WDR11: variants seen among roughly 807,000 people sequenced by gnomAD.
WDR11 encodes the protein WD repeat domain 11.
Under a neutral mutation model 151.2 loss-of-function variants are expected in WDR11, and 83 were observed. The observed-to-expected ratio is 0.55, with a 90% CI of 0.46 to 0.66. The LOEUF (loss-of-function observed/expected upper bound fraction) is 0.66, where lower values mean the gene tolerates loss of function less well. Among genes scored for constraint, WDR11 ranks in the 30% least tolerant of loss-of-function variants. The pLI, the probability that WDR11 is intolerant of heterozygous loss-of-function variation, is 0.00. For synonymous variants in WDR11, 484 were observed against 533.1 expected, an observed-to-expected ratio of 0.91 and a Z score of 1.27; for missense variants, 1,301 against 1,480.9, an observed-to-expected ratio of 0.88 and a Z score of 1.99.
At chr10:120,871,732 A>C (rs2133757647) in intron 10 of WDR11, among the ~76,000 whole-genome samples, 1 of 152,330 alleles carries the variant, frequency 6.6e-6, no homozygotes, top group African/African-American at 2.4e-5. Flanking sequence ...AAATATAGTC[A>C]GGGTTAATAG....
chr10:120,885,775 A>T, intron 14 of WDR11, 39 bp from the exon 15 acceptor site: 1 of 1,612,062 alleles, frequency 6.2e-7, no homozygotes, highest in Non-Finnish European at 8.5e-7. Context: ...GACAGAAGGA[A>T]ACCTAGCACT....
At chr10:120,868,729 C>T (rs761206784) in intron 9 of WDR11, 6 of 152,176 alleles carry the variant, frequency 3.9e-5, no homozygotes, top group Non-Finnish European at 8.8e-5. Context: ...TTAGCAATGG[C>T]CTCCAGTCCT....
Position 120,909,129 on chromosome 10 carries a change from T to C in WDR11, c.*416T>C, listed in dbSNP as rs182717961. ...CAAATATATGCTGTGCCTGTACTTA[T>C]ATACAGTCTTTCAAGAGAGATACAA... On this transcript the variant is annotated 3_prime_UTR_variant, in exon 29 of 29. Coordinates refer to ENST00000263461, the MANE Select transcript of WDR11 (RefSeq NM_018117.12). 89 of 203,888 alleles carry C rather than the reference T, an allele frequency of 4.4e-4. 1 individual carries two copies. Among genetic ancestry groups the C allele is most frequent in the African/African-American group, 1.6e-3 (70 of 42,846 alleles). The allele number at this position is 203,888 out of a possible 1,614,324, so 12.6% of individuals were successfully genotyped here.
Position 120,903,124 on chromosome 10 carries a change from G to A in WDR11, c.2823G>A (p.Gln941=), listed in dbSNP as rs1051679083. ...VAAHYLHSLS[Q]EKSASTTAPK... ...CCCACTACCTGCACAGCTTATCCCAGGAAAAGTCAGCCAGCACAACAGCTC... is the reference window on the plus strand; with the variant it reads ...CCCACTACCTGCACAGCTTATCCCAAGAAAAGTCAGCCAGCACAACAGCTC... The change falls in exon 23 of 29, where the codon CAG becomes CAA. Residue 941 remains glutamine (Q), a synonymous_variant. Coordinates refer to ENST00000263461, the MANE Select transcript of WDR11 (RefSeq NM_018117.12). 18 of 1,614,028 alleles carry A rather than the reference G, an allele frequency of 1.1e-5. No individual in the cohort carries two copies. The highest frequency in any genetic ancestry group is 1.4e-5 in the Non-Finnish European group (17 of 1,180,036).
At chr10:120,906,219 A>G (rs2133818853) in intron 27 of WDR11, 198 bp downstream of exon 27, 1 of 1,458,322 alleles carries the variant, frequency 6.9e-7, no homozygotes, top group Non-Finnish European at 9.0e-7. Context: ...GAGCTATGCT[A>G]GTTTCCTACT....
At chr10:120,902,937 A>T (rs1847883471) in intron 22 of WDR11, 118 bp from the exon 23 acceptor site, 1 of 1,077,726 alleles carries the variant, frequency 9.3e-7, no homozygotes, top group African/African-American at 1.6e-5. Flanking sequence ...GTCAGGCCCC[A>T]TGCCAGTATC....
intron 11 of WDR11, 119 bp from the exon 12 acceptor site, chr10:120,878,230 GCTTA>G (rs1464400051): frequency 2.8e-5 from 20 of 721,114 alleles, no homozygotes; most frequent in East Asian, 2.5e-4. Context: ...AAAAGGTCAT[GCTTA>G]CTTTTTAATT....
chr10:120,890,474 A>G (rs558401403), intron 18 of WDR11, among the ~76,000 whole-genome samples: 1 of 152,256 alleles, frequency 6.6e-6, no homozygotes, highest in Admixed American at 6.5e-5. Flanking sequence ...TCAGCCTCCT[A>G]AAGTCCTGGG....
chr10:120,896,512 A>T (rs1847620582), intron 19 of WDR11, among the ~76,000 whole-genome samples: 1 of 152,214 alleles, frequency 6.6e-6, no homozygotes, highest in African/African-American at 2.4e-5. Context: ...TGTAACAACA[A>T]TATTGGTAAC....
intron 21 of WDR11, 113 bp downstream of exon 21, chr10:120,901,211 C>A: frequency 1.1e-6 from 1 of 925,192 alleles, no homozygotes. Context: ...TATTAGTGGC[C>A]CAAGAAGAGA....
chr10:120,860,195 G>A lies in WDR11; in HGVS notation c.439G>A (p.Asp147Asn), dbSNP rs756514742. 6.2e-6 allele frequency: 10 copies of A among 1,614,110 alleles called. No homozygotes were observed. The highest frequency in any genetic ancestry group is 1.1e-5 in the South Asian group (1 of 91,076). Residue 147 changes from aspartate (D) to asparagine (N), a missense_variant, in exon 4 of 29, where the codon GAC (aspartate) becomes AAC (asparagine). Physicochemically the swap from Asp to Asn is conservative, Grantham distance 23. Transcript: ENST00000263461. Reference protein sequence around the residue: ...PPNYIVLWNADTGTKLWKKSY... With the variant: ...PPNYIVLWNANTGTKLWKKSY... ...AAATTACATTGTGCTCTGGAATGCC[G>A]ACACTGGCACCAAACTATGGAAGAA...
In WDR11 at chr10:120,866,686, C is replaced by T. The variant is rs1846324613; in HGVS notation, c.1112C>T (p.Ala371Val). The change falls in exon 8 of 29, where the codon GCC becomes GTC. Residue 371 changes from alanine to valine, a missense_variant. Ala to Val is a moderately conservative substitution (Grantham distance 64). This residue lies in a region of WDR11 where 692 missense variants were observed against 762.5 expected (regional missense o/e 0.91). Coordinates refer to ENST00000263461, the MANE Select transcript of WDR11 (RefSeq NM_018117.12). The stretch of plus-strand genomic sequence containing the variant: ...TGCTGTCCTGTCAATGAGAATGCAG[C>T]CGCCCTCGTAGTGAGTGATGGCAGG... ...MVCCPVNENA[A>V]ALVVSDGRVM... 6.2e-7 allele frequency: 1 copy of T among 1,614,180 alleles called. No homozygotes were observed. The highest frequency in any genetic ancestry group is 1.3e-5 in the African/African-American group (1 of 75,048).
chr10:120,906,498 CA>C (rs1848051239), intron 27 of WDR11: 3 of 1,318,500 alleles, frequency 2.3e-6, no homozygotes, highest in South Asian at 1.6e-5. Context: ...CAACTCTGGA[CA>C]GGGGTACATG....
At chr10:120,857,442 CA>C (rs1845987269) in intron 2 of WDR11, among the ~76,000 whole-genome samples, 1 of 152,108 alleles carries the variant, frequency 6.6e-6, no homozygotes, top group East Asian at 1.9e-4. Flanking sequence ...GGACTGTGTA[CA>C]CATATATACA....
At chr10:120,868,983 A>G (rs1282430508) in intron 9 of WDR11, among the ~76,000 whole-genome samples, 2 of 152,184 alleles carry the variant, frequency 1.3e-5, no homozygotes, top group African/African-American at 4.8e-5. Context: ...TCTACTCTTA[A>G]TATGAAAACT....
chr10:120,905,171 A>G, intron 25 of WDR11, 148 bp from the exon 26 acceptor site: 1 of 796,488 alleles, frequency 1.3e-6, no homozygotes, highest in Non-Finnish European at 2.1e-6. Context: ...AACTCTTAAT[A>G]TTATGTTTCA....
At chr10:120,902,688 G>C (rs1847873275) in intron 22 of WDR11, among the ~76,000 whole-genome samples, 1 of 151,276 alleles carries the variant, frequency 6.6e-6, no homozygotes, top group Non-Finnish European at 1.5e-5. Context: ...TCTCCCCACA[G>C]AATAAATAGC....
At position 120,906,826 on chromosome 10, in the gene WDR11, A is replaced by G. The variant is rs750811060; in HGVS notation, c.3488A>G (p.Tyr1163Cys). The change falls in exon 28 of 29, where the codon TAT becomes TGT. Residue 1163 changes from tyrosine to cysteine, a missense_variant. By Grantham distance (194) the Tyr-to-Cys change is radical (BLOSUM62 -2). Transcript: ENST00000263461. ...AALFVEACLK[Y>C]GAFEVTEDTE... Reference sequence around the variant, plus strand: ...TTATTTGTGGAAGCTTGCCTCAAGTATGGAGCATTTGAAGTCACTGAGGAC... The same window carrying G: ...TTATTTGTGGAAGCTTGCCTCAAGTGTGGAGCATTTGAAGTCACTGAGGAC... 7.4e-5 allele frequency: 119 copies of G among 1,614,098 alleles called. No individual in the cohort carries two copies. The highest frequency in any genetic ancestry group is 9.6e-5 in the Non-Finnish European group (113 of 1,180,032).
chr10:120,877,051 A>G (rs970544515), intron 11 of WDR11, among the ~76,000 whole-genome samples: 4 of 152,232 alleles, frequency 2.6e-5, no homozygotes, highest in Admixed American at 2.6e-4. Context: ...CTTCTGAAAA[A>G]TCAAACATGT....
Sources: allele counts gnomAD v4.1 joint callset (sites outside exome capture counted in the v4.1 genomes callset), GRCh38; gene constraint gnomAD v4.1.1; regional missense constraint gnomAD v4.1.1; transcripts MANE v1.5; gene names NCBI Gene and HGNC (gene_info 2026-07-23, HGNC 2026-07-21).